STK3: variants seen among roughly 807,000 people sequenced by gnomAD.
STK3 encodes serine/threonine kinase 3, also known as serine/threonine-protein kinase 3.
Under a neutral mutation model 58.0 loss-of-function variants are expected in STK3, and 41 were observed. The observed-to-expected ratio is 0.71, with a 90% CI of 0.55 to 0.92. STK3 has a LOEUF of 0.92. Among genes scored for constraint, STK3 ranks in the 40% least tolerant of loss-of-function variants. STK3 has a pLI of 0.00. For synonymous variants in STK3, 170 were observed against 191.0 expected, an observed-to-expected ratio of 0.89 and a Z score of 0.91; for missense variants, 479 against 602.7, an observed-to-expected ratio of 0.79 and a Z score of 2.15.
At chr8:98,785,060 A>G (rs1178451443) in intron 1 of STK3, among the ~76,000 whole-genome samples, 1 of 152,132 alleles carries the variant, frequency 6.6e-6, no homozygotes, top group Non-Finnish European at 1.5e-5. Context: ...TGGTGCAGCA[A>G]GGCCCTTCCA....
chr8:98,803,600 AAAAAAAAAG>A (rs1473670845), intron 1 of STK3, among the ~76,000 whole-genome samples: 6 of 142,176 alleles, frequency 4.2e-5, no homozygotes, highest in African/African-American at 1.1e-4. Context: ...TTTCAAAAAA[AAAAAAAAAG>A]AAAAAAAAAG....
At chr8:98,633,299 GC>G (rs1819390566) in intron 6 of STK3, among the ~76,000 whole-genome samples, 3 of 152,200 alleles carry the variant, frequency 2.0e-5, no homozygotes, top group Admixed American at 2.0e-4. Context: ...TGTATGCAGA[GC>G]CCAAGGTCTT....
intron 6 of STK3, chr8:98,597,119 T>C (rs1188102649): frequency 3.8e-6 from 1 of 260,388 alleles, no homozygotes; most frequent in East Asian, 1.8e-4. Flanking sequence ...ACTCCAGAAT[T>C]CAAGAAATAA....
At chr8:98,757,192 T>C (rs1215557470) in intron 3 of STK3, among the ~76,000 whole-genome samples, 6 of 151,888 alleles carry the variant, frequency 4.0e-5, no homozygotes, top group Non-Finnish European at 7.4e-5. Context: ...GCATACTTTT[T>C]TTTTTTGAGA....
At position 98,923,854 on chromosome 8, in the gene STK3, T is replaced by TGCGC. The variant is rs3029998; in HGVS notation, c.-79+18520_-79+18523dup. Among the ~76,000 whole-genome samples, 234 of 113,674 alleles carry TGCGC rather than the reference T, an allele frequency of 2.1e-3. 1 individual carries two copies. The highest frequency in any genetic ancestry group is 6.4e-3 in the African/African-American group (188 of 29,386). 74.6% of individuals were successfully genotyped at this position (113,674 alleles called of 152,430 possible). On this transcript the variant is annotated intron_variant, in intron 1 of 1. Transcript: ENST00000519420. ...GTGTGTGTGTGTGTGTGTGTGTGTG[T>TGCGC]GCGCGCGCGCGCGCGCGCGCGCGTT...
At chr8:98,442,044 G>A (rs890856713) in intron 1 of STK3, among the ~76,000 whole-genome samples, 2 of 152,074 alleles carry the variant, frequency 1.3e-5, no homozygotes, top group Non-Finnish European at 2.9e-5. Flanking sequence ...TCCAATAAAC[G>A]GCATCACTGC....
intron 1 of STK3, among the ~76,000 whole-genome samples, chr8:98,895,357 G>A (rs1399798922): frequency 1.3e-5 from 2 of 152,074 alleles, no homozygotes; most frequent in Non-Finnish European, 2.9e-5. Flanking sequence ...ACACAACTCG[G>A]CACCCATCCC....
intron 3 of STK3, chr8:98,427,915 G>T: frequency 1.5e-6 from 2 of 1,368,710 alleles, no homozygotes; most frequent in South Asian, 3.0e-5. Flanking sequence ...CGCTCTCGCC[G>T]ACGCTGTTCC....
rs1178720816 is a variant in STK3 at position 98,585,000 on chromosome 8, T to C, written c.823-5211A>G. On this transcript the variant is annotated intron_variant, in intron 7 of 10. Coordinates refer to ENST00000419617, the MANE Select transcript of STK3 (RefSeq NM_006281.4). ...ATTGTAGATTCTGGATATTAGCCCT[T>C]TGTCAGATGAGTAGGTTGCGAAAAT... is the stretch of plus-strand genomic sequence containing the variant. Among the ~76,000 whole-genome samples, 60 of 150,290 alleles carry C rather than the reference T, an allele frequency of 4.0e-4. 2 individuals are homozygous for C. Among genetic ancestry groups the C allele is most frequent in the Non-Finnish European group, 7.5e-5 (5 of 66,890 alleles).
intron 3 of STK3, chr8:98,430,844 A>C (rs1818315991): frequency 6.0e-6 from 1 of 167,068 alleles, no homozygotes; most frequent in Non-Finnish European, 1.5e-5. Flanking sequence ...TATTCAAAAG[A>C]CCTTCAAGCT....
intron 8 of STK3, among the ~76,000 whole-genome samples, chr8:98,552,603 G>A (rs1811259921): frequency 6.6e-6 from 1 of 151,978 alleles, no homozygotes; most frequent in South Asian, 2.1e-4. Context: ...ATTTAACTCA[G>A]GTATCTATTT....
downstream of STK3, among the ~76,000 whole-genome samples, chr8:98,400,619 G>A (rs1482810966): frequency 6.6e-6 from 1 of 152,190 alleles, no homozygotes; most frequent in Non-Finnish European, 1.5e-5. Context: ...GAACAAAAGA[G>A]TAACATTTTT....
intron 4 of STK3, among the ~76,000 whole-genome samples, chr8:98,716,972 T>TAA (rs1196048811): frequency 6.6e-6 from 1 of 152,106 alleles, no homozygotes; most frequent in Non-Finnish European, 1.5e-5. Context: ...ATCCGTGTGC[T>TAA]AAAGAATAAG....
chr8:98,613,965 G>C (rs751305119), intron 6 of STK3, among the ~76,000 whole-genome samples: 12 of 152,082 alleles, frequency 7.9e-5, no homozygotes, highest in African/African-American at 2.2e-4. Context: ...ACATTACATA[G>C]TGATGAGACA....
chr8:98,757,023 C>G lies in STK3; in HGVS notation c.237-7633G>C, dbSNP rs72666695. On this transcript the variant is annotated intron_variant, in intron 3 of 10. Transcript: ENST00000419617. ...AAACATTCTTGTCCACTTCTTCCCC[C>G]CTCTTTCTCTGCCTCCTAACTGACT... is the stretch of plus-strand genomic sequence containing the variant. Among the ~76,000 whole-genome samples the G allele has an allele frequency of 4.8e-4, 73 of 152,014 alleles. No homozygotes were observed. In the East Asian group the frequency reaches 0.013, roughly 27 times the overall value.
At chr8:98,815,756 A>G (rs1174025854) in intron 1 of STK3, among the ~76,000 whole-genome samples, 1 of 152,246 alleles carries the variant, frequency 6.6e-6, no homozygotes, top group Non-Finnish European at 1.5e-5. Context: ...GGAAAGAATC[A>G]AACATTTATC....
intron 1 of STK3, among the ~76,000 whole-genome samples, chr8:98,902,068 C>T (rs1408583850): frequency 6.6e-6 from 1 of 152,176 alleles, no homozygotes; most frequent in African/African-American, 2.4e-5. Context: ...TCTTGGCTGC[C>T]ATGATGTCAT....
intron 8 of STK3, among the ~76,000 whole-genome samples, chr8:98,558,756 G>T (rs1383270306): frequency 6.6e-6 from 1 of 151,306 alleles, no homozygotes; most frequent in Non-Finnish European, 1.5e-5. Flanking sequence ...CAGAAATTTT[G>T]TTGTTGTTCT....
At chr8:98,884,720 C>T (rs1837915558) in intron 1 of STK3, among the ~76,000 whole-genome samples, 1 of 152,128 alleles carries the variant, frequency 6.6e-6, no homozygotes. Context: ...CCAGTTGTAA[C>T]TTCAGATTTC....
Sources: allele counts gnomAD v4.1 joint callset (sites outside exome capture counted in the v4.1 genomes callset), GRCh38; gene constraint gnomAD v4.1.1; transcripts MANE v1.5; gene names NCBI Gene and HGNC (gene_info 2026-07-23, HGNC 2026-07-21).